The following NLRP1 variants were observed in gnomAD, a reference collection of about 807,000 sequenced individuals.
NLRP1 encodes the protein NACHT, LRR and PYD domains-containing protein 1.
A neutral mutation model predicts 136.7 loss-of-function variants in NLRP1; 94 were observed. The ratio of observed to expected loss-of-function variants is 0.69; its 90% CI spans 0.58 to 0.82. The LOEUF (loss-of-function observed/expected upper bound fraction) is 0.82, where lower values mean the gene tolerates loss of function less well. NLRP1 is among the 40% of genes least tolerant of loss of function. The probability of loss-of-function intolerance (pLI) is 0.00; values close to 1 mark genes in which losing one functional copy is unlikely to be tolerated. For missense variants in NLRP1, 1,575 were observed against 1,802.7 expected, an observed-to-expected ratio of 0.87 and a Z score of 2.29; for synonymous variants, 690 against 725.1, an observed-to-expected ratio of 0.95 and a Z score of 0.78.
Position 5,539,417 on chromosome 17 carries a change from C to G in NLRP1, c.2868G>C (p.Leu956=), listed in dbSNP as rs763787192. Residue 956 remains leucine, a splice_region_variant and synonymous_variant, in exon 7 of 17, where the codon CTG becomes CTC. Transcript: ENST00000572272. Reference sequence around the variant, plus strand: ...AGAAGGGACCCACAGGGCCTTACCCCAGGCGTATGAGTTTGCAGGCAGGAT... The same window carrying G: ...AGAAGGGACCCACAGGGCCTTACCCGAGGCGTATGAGTTTGCAGGCAGGAT... ...LRHPACKLIR[L]GLDQTTLSDE... 5.0e-6 allele frequency: 8 copies of G among 1,611,462 alleles called. No homozygotes were observed. In the Admixed American group the frequency reaches 1.3e-4, roughly 27 times the overall value.
chr17:5,542,972 G>GC (rs1912069128), intron 5 of NLRP1, among the ~76,000 whole-genome samples: 1 of 152,156 alleles, frequency 6.6e-6, no homozygotes, highest in African/African-American at 2.4e-5. Flanking sequence ...TGGGATTACA[G>GC]GTGCCTGCCA....
chr17:5,579,779 T>C (rs1034848115), intron 3 of NLRP1, among the ~76,000 whole-genome samples: 13 of 151,624 alleles, frequency 8.6e-5, no homozygotes, highest in Non-Finnish European at 8.8e-5. Context: ...TTGAATGGAG[T>C]TGGAGAGCAT....
chr17:5,551,608 T>C (rs1267554661), intron 5 of NLRP1, among the ~76,000 whole-genome samples: 2 of 152,236 alleles, frequency 1.3e-5, no homozygotes, highest in African/African-American at 4.8e-5. Flanking sequence ...TGCTAGACTG[T>C]ATTCCAAAGG....
downstream of NLRP1, among the ~76,000 whole-genome samples, chr17:5,509,628 C>T (rs756593033): frequency 8.5e-5 from 13 of 152,140 alleles, no homozygotes; most frequent in East Asian, 7.7e-4. Flanking sequence ...AGTACAATGG[C>T]GTGATCTCGG....
rs896983022 is a variant in NLRP1 at position 5,539,771 on chromosome 17, G to A, written c.2700-186C>T. On this transcript the variant is annotated intron_variant, in intron 6 of 16. Transcript: ENST00000572272. ...ATTTTCACTTTCCTCTTGCAGCCAC[G>A]GAACCCCTCAGGATGCCAGCACCTA... is the stretch of plus-strand genomic sequence containing the variant. 8.9e-6 allele frequency: 6 copies of A among 673,604 alleles called. 1 individual carries two copies. In the East Asian group the frequency reaches 4.0e-4, roughly 45 times the overall value. 41.7% of individuals were successfully genotyped at this position (673,604 alleles called of 1,614,324 possible).
At chr17:5,529,529 G>C (rs1018538749) in intron 12 of NLRP1, among the ~76,000 whole-genome samples, 1 of 151,878 alleles carries the variant, frequency 6.6e-6, no homozygotes, top group African/African-American at 2.4e-5. Context: ...CGCCACGCCC[G>C]GCTAATTTTT....
At position 5,560,003 on chromosome 17, in the gene NLRP1, C is replaced by A; in HGVS notation, c.693G>T (p.Arg231Ser). ...EREREKSEKG[R>S]PPWAAVVGTP... The stretch of plus-strand genomic sequence containing the variant: ...TTCCTACCACCGCTGCCCATGGGGG[C>A]CTGCCTTTCTCTGATTTCTCTCTCT... Residue 231 changes from arginine to serine, a missense_variant, in exon 4 of 17, where the codon AGG becomes AGT. Transcript: ENST00000572272. 6.3e-7 allele frequency: 1 copy of A among 1,584,312 alleles called. No individual in the cohort carries two copies. Among genetic ancestry groups the A allele is most frequent in the Non-Finnish European group, 8.6e-7 (1 of 1,167,596 alleles).
rs11657320 is a variant in NLRP1 at position 5,514,261 on chromosome 17, T to G, written c.*493A>C. ...CCTGCTAGACAAATTCTAAAAGAGC[T>G]GTGATACTCCTTTATTTTCTGAATA... On this transcript the variant is annotated 3_prime_UTR_variant, in exon 17 of 17. Coordinates refer to ENST00000572272, the MANE Select transcript of NLRP1 (RefSeq NM_033004.4). 8.5e-5 allele frequency: 23 copies of G among 270,112 alleles called. No individual in the cohort carries two copies. Among genetic ancestry groups the G allele is most frequent in the Middle Eastern group, 1.8e-3 (1 of 570 alleles). The allele number at this position is 270,112 out of a possible 1,614,324, so 16.7% of individuals were successfully genotyped here.
rs1597413509 is a variant in NLRP1 at position 5,532,766 on chromosome 17, G to C, written c.3296+56C>G. 3 of 1,482,320 alleles carry C rather than the reference G, an allele frequency of 2.0e-6. No individual in the cohort carries two copies. In the East Asian group the frequency reaches 7.4e-5, roughly 36 times the overall value. The allele number at this position is 1,482,320 out of a possible 1,614,324, so 91.8% of individuals were successfully genotyped here. A position where few individuals can be genotyped will look rare whatever the true frequency, so the allele number is the denominator to read the frequency against. On this transcript the variant is annotated intron_variant, in intron 11 of 16. Coordinates refer to ENST00000572272, the MANE Select transcript of NLRP1 (RefSeq NM_033004.4). ...GCGCTGACTGTCTGTGGGGACCCAG[G>C]ATGGGCAGTGGGGTGCGGGAGGCCA...
chr17:5,545,569 C>T (rs570223837), intron 5 of NLRP1, among the ~76,000 whole-genome samples: 4 of 152,090 alleles, frequency 2.6e-5, no homozygotes, highest in South Asian at 2.1e-4. Flanking sequence ...CACACACACA[C>T]GACTCAGTAT....
chr17:5,535,618 G>A (rs78317334), intron 8 of NLRP1, among the ~76,000 whole-genome samples: 2,391 of 152,340 alleles, frequency 0.016, 67 homozygotes, highest in African/African-American at 0.055. Flanking sequence ...AGCTCCTGGA[G>A]GTTGGGTTGT....
chr17:5,571,349 C>A (rs1291765053), intron 3 of NLRP1, among the ~76,000 whole-genome samples: 1 of 152,118 alleles, frequency 6.6e-6, no homozygotes, highest in Non-Finnish European at 1.5e-5. Flanking sequence ...GATTTTATAC[C>A]TAGAAAACCT....
At position 5,532,815 on chromosome 17, in the gene NLRP1, C is replaced by T. The variant is rs1246376667; in HGVS notation, c.3296+7G>A. On this transcript the variant is annotated splice_region_variant and intron_variant, in intron 11 of 16. Coordinates refer to ENST00000572272, the MANE Select transcript of NLRP1 (RefSeq NM_033004.4). ...CAGCCTGGGACCAGCAGAGCCCCCT[C>T]ACTCACCGGTACAAGTTCTTTTCTT... 9 of 1,589,232 alleles carry T rather than the reference C, an allele frequency of 5.7e-6. No homozygotes were observed. The highest frequency in any genetic ancestry group is 3.4e-5 in the South Asian group (3 of 87,846).
chr17:5,535,985 G>T (rs1245293684), intron 8 of NLRP1, among the ~76,000 whole-genome samples: 2 of 151,688 alleles, frequency 1.3e-5, no homozygotes, highest in African/African-American at 4.8e-5. Context: ...GGGCACAGGC[G>T]CTCTCTCTCT....
At position 5,581,854 on chromosome 17, in the gene NLRP1, C is replaced by T; in HGVS notation, c.652+5G>A. The stretch of plus-strand genomic sequence containing the variant: ...CACCCCGCCAGGAGCTCAGTAGGGT[C>T]TCACCTGTGTAGTAAATTCCTGACG... On this transcript the variant is annotated splice_donor_5th_base_variant and intron_variant, in intron 3 of 16. Coordinates refer to ENST00000572272, the MANE Select transcript of NLRP1 (RefSeq NM_033004.4). 2 of 1,610,214 alleles carry T rather than the reference C, an allele frequency of 1.2e-6. No individual in the cohort carries two copies. The highest frequency in any genetic ancestry group is 2.2e-5 in the South Asian group (2 of 90,930).
intron 3 of NLRP1, among the ~76,000 whole-genome samples, chr17:5,573,263 G>A (rs139550780): frequency 0.018 from 2,763 of 152,266 alleles, 75 homozygotes; most frequent in African/African-American, 0.062. Context: ...GCAGTGAGGC[G>A]GGGGGAGGGG....
intron 15 of NLRP1, among the ~76,000 whole-genome samples, chr17:5,516,936 G>A (rs1357505183): frequency 2.0e-5 from 3 of 152,156 alleles, no homozygotes; most frequent in Non-Finnish European, 4.4e-5. Flanking sequence ...TGGGTTCTTA[G>A]ATTGTTGGTA....
At chr17:5,512,506 C>T, downstream of NLRP1, 1 of 648,784 alleles carries the variant, frequency 1.5e-6, no homozygotes, top group Non-Finnish European at 2.9e-6. Flanking sequence ...TCTTTTAAAT[C>T]TTCTTACTTC....
downstream of NLRP1, chr17:5,512,243 C>CT: frequency 6.6e-7 from 1 of 1,519,622 alleles, no homozygotes; most frequent in South Asian, 1.1e-5. Context: ...GCATAGAGTC[C>CT]TTTGGGATTA....
Sources: allele counts gnomAD v4.1 joint callset (sites outside exome capture counted in the v4.1 genomes callset), GRCh38; gene constraint gnomAD v4.1.1; transcripts MANE v1.5; gene names NCBI Gene and HGNC (gene_info 2026-07-23, HGNC 2026-07-21).